The following VPS8 variants were observed in gnomAD, a reference collection of about 807,000 sequenced individuals.
VPS8 encodes VPS8 subunit of CORVET complex, also known as vacuolar protein sorting-associated protein 8 homolog.
A neutral mutation model predicts 216.4 loss-of-function variants in VPS8; 129 were observed. That is an observed-to-expected ratio of 0.60 (90% CI 0.52 to 0.69). The LOEUF is 0.69. Ranked by LOEUF, VPS8 falls within the 30% of genes least tolerant of loss-of-function variation. VPS8 has a pLI of 0.00. For missense variants in VPS8, 1,531 were observed against 1,683.5 expected, an observed-to-expected ratio of 0.91 and a Z score of 1.59; for synonymous variants, 571 against 565.4, an observed-to-expected ratio of 1.01 and a Z score of -0.14.
At chr3:185,007,234 A>C (rs1017939169) in intron 45 of VPS8, among the ~76,000 whole-genome samples, 1 of 152,196 alleles carries the variant, frequency 6.6e-6, no homozygotes, top group African/African-American at 2.4e-5. Flanking sequence ...AGGCCTTGTA[A>C]CTCTATCTGA....
At chr3:185,048,451 G>A in intron 46 of VPS8, 28 bp from the exon 47 acceptor site, 1 of 1,612,516 alleles carries the variant, frequency 6.2e-7, no homozygotes, top group Non-Finnish European at 8.5e-7. Context: ...ACGTGATGTT[G>A]TTAATCGTAT....
intron 36 of VPS8, among the ~76,000 whole-genome samples, chr3:184,950,243 T>TTTTTTC (rs1166683070): frequency 7.0e-6 from 1 of 143,444 alleles, no homozygotes; most frequent in Non-Finnish European, 1.5e-5. Context: ...TTTTTTTTTT[T>TTTTTTC]TACTCTAGCT....
intron 46 of VPS8, among the ~76,000 whole-genome samples, chr3:185,047,511 T>C (rs1018358961): frequency 2.6e-5 from 4 of 152,176 alleles, no homozygotes; most frequent in East Asian, 1.9e-4. Flanking sequence ...GTGCAGACGC[T>C]TGGGACAGGT....
At chr3:184,901,111 C>A in intron 25 of VPS8, 139 bp downstream of exon 25, 1 of 746,570 alleles carries the variant, frequency 1.3e-6, no homozygotes, top group South Asian at 1.7e-5. Context: ...CATAATCAAG[C>A]TGCAGAAGGA....
Position 184,849,185 on chromosome 3 carries a change from C to G in VPS8, c.656C>G (p.Ala219Gly). ...TGCTCAAGACTTCTTTGTGGCTTTG[C>G]TAAAGGACAGGTAAGATATGAACCT... Reference protein sequence around the residue: ...NDCSRLLCGFAKGQITMWDLA... With the variant: ...NDCSRLLCGFGKGQITMWDLA... The change falls in exon 9 of 48, where the codon GCT (alanine) becomes GGT (glycine). Residue 219 changes from alanine to glycine, a missense_variant. Ala to Gly is a moderately conservative substitution (Grantham distance 60). This residue lies in a region of VPS8 where 1,318 missense variants were observed against 1,468.4 expected (regional missense o/e 0.90). Coordinates refer to ENST00000625842, the MANE Select transcript of VPS8 (RefSeq NM_001009921.3). 3 of 1,613,110 alleles carry G rather than the reference C, an allele frequency of 1.9e-6. No homozygotes were observed. The highest frequency in any genetic ancestry group is 2.2e-5 in the South Asian group (2 of 91,066).
intron 45 of VPS8, among the ~76,000 whole-genome samples, chr3:185,018,768 G>A (rs1291940764): frequency 6.6e-6 from 1 of 152,160 alleles, no homozygotes; most frequent in Non-Finnish European, 1.5e-5. Context: ...GTTAATCTGG[G>A]GGGTGTATTC....
chr3:184,940,311 A>G, intron 36 of VPS8, 68 bp downstream of exon 36: 1 of 654,228 alleles, frequency 1.5e-6, no homozygotes, highest in Non-Finnish European at 2.1e-6. Flanking sequence ...GGAAATAAAT[A>G]AAGTTACCAG....
Position 184,884,304 on chromosome 3 carries a change from T to C in VPS8, c.1735-1806T>C, listed in dbSNP as rs552536163. Among the ~76,000 whole-genome samples, 20 of 152,228 alleles carry C rather than the reference T, an allele frequency of 1.3e-4. No individual in the cohort carries two copies. The South Asian group carries it at 3.7e-3, about 28-fold the overall frequency. ...GTTCTCATTGTTCAGTTCCCACCTA[T>C]GAGTGAGAACATGCGGTGTTTGGTT... On this transcript the variant is annotated intron_variant, in intron 21 of 47. Coordinates refer to ENST00000625842, the MANE Select transcript of VPS8 (RefSeq NM_001009921.3).
chr3:184,923,985 G>A (rs548262785), intron 29 of VPS8, among the ~76,000 whole-genome samples: 57 of 152,264 alleles, frequency 3.7e-4, no homozygotes, highest in African/African-American at 1.3e-3. Flanking sequence ...TATTTAAGAT[G>A]TTATGTCTTT....
intron 39 of VPS8, among the ~76,000 whole-genome samples, chr3:184,969,517 C>T (rs1237661239): frequency 2.0e-5 from 3 of 149,012 alleles, no homozygotes; most frequent in African/African-American, 5.0e-5. Flanking sequence ...ACAACCTCCG[C>T]CTCCCGGGTT....
At chr3:184,999,997 C>T in intron 45 of VPS8, 136 bp downstream of exon 45, 1 of 1,006,612 alleles carries the variant, frequency 9.9e-7, no homozygotes, top group Non-Finnish European at 1.4e-6. Flanking sequence ...ATGTTCTTTT[C>T]AGTCCTATTT....
chr3:185,035,928 A>G (rs1758812408), intron 46 of VPS8, among the ~76,000 whole-genome samples: 1 of 152,246 alleles, frequency 6.6e-6, no homozygotes, highest in African/African-American at 2.4e-5. Context: ...TACAAAGTCA[A>G]TGTACAAAAA....
chr3:184,874,439 T>C lies in VPS8; in HGVS notation c.1734+3634T>C, dbSNP rs543471649. Among the ~76,000 whole-genome samples the C allele has an allele frequency of 3.3e-5, 5 of 152,316 alleles. No homozygotes were observed. In the South Asian group the frequency reaches 1.0e-3, roughly 32 times the overall value. On this transcript the variant is annotated intron_variant, in intron 21 of 47. Coordinates refer to ENST00000625842, the MANE Select transcript of VPS8 (RefSeq NM_001009921.3). ...TTGATTTGGGTGAAGATTTAGTGAC[T>C]GGCCTGTCAAATCTAGGTAGCGCCA...
At chr3:185,011,077 A>G (rs1237086083) in intron 45 of VPS8, among the ~76,000 whole-genome samples, 2 of 150,922 alleles carry the variant, frequency 1.3e-5, no homozygotes, top group African/African-American at 2.4e-5. Flanking sequence ...ATATACATCA[A>G]ATTGGAATCC....
chr3:184,956,335 C>CT (rs1745594425), intron 36 of VPS8, among the ~76,000 whole-genome samples: 1 of 152,166 alleles, frequency 6.6e-6, no homozygotes, highest in Non-Finnish European at 1.5e-5. Flanking sequence ...CAACCAGAGT[C>CT]CCTTGTGAGC....
chr3:184,969,897 C>G (rs1183139405), intron 39 of VPS8, among the ~76,000 whole-genome samples: 2 of 132,186 alleles, frequency 1.5e-5, no homozygotes, highest in Non-Finnish European at 3.2e-5. Context: ...CATCTACTTT[C>G]TTACTTTTTT....
At chr3:184,893,192 G>T in intron 22 of VPS8, 4 of 1,129,536 alleles carry the variant, frequency 3.5e-6, no homozygotes, top group African/African-American at 3.3e-5. Flanking sequence ...TGGAGTTCTG[G>T]TGCAGTTGTA....
intron 33 of VPS8, among the ~76,000 whole-genome samples, chr3:184,930,206 A>G (rs908896925): frequency 6.6e-6 from 1 of 152,232 alleles, no homozygotes; most frequent in Non-Finnish European, 1.5e-5. Context: ...CCCAAAAGCC[A>G]AAGTGTGATA....
intron 40 of VPS8, 109 bp downstream of exon 40, chr3:184,971,861 G>A (rs4686918): frequency 0.086 from 70,247 of 818,886 alleles, 3,381 homozygotes; most frequent in African/African-American, 0.094. Context: ...GATCACCTGA[G>A]GTCAGGAGTT....
Sources: gnomAD v4.1 joint callset for allele counts (sites outside exome capture counted in the v4.1 genomes callset) on GRCh38, gnomAD v4.1.1 for gene constraint, gnomAD v4.1.1 regional missense constraint, MANE v1.5 for transcripts, NCBI Gene and HGNC (gene_info 2026-07-23, HGNC 2026-07-21) for gene names.